The following COL10A1 variants were observed in gnomAD, a reference collection of about 807,000 sequenced individuals.
COL10A1 encodes collagen type X alpha 1 chain.
Under a neutral mutation model 18.2 loss-of-function variants are expected in COL10A1, and 10 were observed. The observed-to-expected ratio is 0.55, with a 90% confidence interval of 0.34 to 0.93. The LOEUF (loss-of-function observed/expected upper bound fraction) is 0.93, where lower values mean the gene tolerates loss of function less well. COL10A1 is among the 40% of genes least tolerant of loss of function. COL10A1 has a pLI of 0.02. For synonymous variants in COL10A1, 330 were observed against 316.6 expected (o/e 1.04, Z -0.45); for missense variants, 897 against 853.5 (o/e 1.05, Z -0.64).
At chr6:116,141,238 T>C (rs1779756393) in intron 1 of COL10A1, among the ~76,000 whole-genome samples, 2 of 152,012 alleles carry the variant, frequency 1.3e-5, no homozygotes, top group Admixed American at 1.3e-4. Context: ...AATACCTGAT[T>C]GTACCTTTGC....
chr6:116,161,369 A>G (rs1780326771), upstream of COL10A1, among the ~76,000 whole-genome samples: 1 of 152,084 alleles, frequency 6.6e-6, no homozygotes, highest in Admixed American at 6.5e-5. Flanking sequence ...ATAAAGATGC[A>G]TTGATATAAC....
chr6:116,166,750 T>G, the COL10A1 span, among the ~76,000 whole-genome samples: 1 of 152,248 alleles, frequency 6.6e-6, no homozygotes, highest in Admixed American at 6.5e-5. Context: ...ACTTTTCATC[T>G]TTTATCTAGT....
chr6:116,129,424 T>C (rs1265927258), upstream of COL10A1, among the ~76,000 whole-genome samples: 1 of 152,224 alleles, frequency 6.6e-6, no homozygotes, highest in Non-Finnish European at 1.5e-5. Flanking sequence ...GTGGGATCTT[T>C]AAGAGGTGAT....
Position 116,121,223 on chromosome 6 carries a change from AAGCCAGGAGGCCCTGGGGGCCC to A in COL10A1, c.871_892del (p.Gly291LeufsTer9). On this transcript the variant is annotated frameshift_variant, in exon 3 of 3. Transcript: ENST00000651968. LOFTEE classifies it high-confidence loss of function. Reference sequence around the variant, plus strand: ...CAGGCCTGGCAAGCCTGGTTTCCCAAAGCCAGGAGGCCCTGGGGGCCCAGCTATTCCTGGAGCCCCAGGGAGA... The same window carrying A: ...CAGGCCTGGCAAGCCTGGTTTCCCAAAGCTATTCCTGGAGCCCCAGGGAGA... 35 of 1,613,320 alleles carry A rather than the reference AAGCCAGGAGGCCCTGGGGGCCC, an allele frequency of 2.2e-5. No individual in the cohort carries two copies. The highest frequency in any genetic ancestry group is 3.0e-5 in the Non-Finnish European group (35 of 1,179,736).
the COL10A1 span, among the ~76,000 whole-genome samples, chr6:116,196,850 C>T: frequency 2.0e-5 from 3 of 151,730 alleles, no homozygotes; most frequent in Admixed American, 6.6e-5. Context: ...AGCCAGGCAC[C>T]GTTCTTCATT....
the COL10A1 span, among the ~76,000 whole-genome samples, chr6:116,182,278 C>T: frequency 2.2e-5 from 3 of 138,846 alleles, no homozygotes; most frequent in Non-Finnish European, 4.6e-5. Context: ...TTTCTTTATC[C>T]ACTCTTTGAT....
intron 1 of COL10A1, chr6:116,137,582 A>G (rs1331528894): frequency 4.7e-6 from 1 of 214,382 alleles, no homozygotes; most frequent in Non-Finnish European, 9.9e-6. Context: ...GCGTTTTCCC[A>G]CTGGGTTGGA....
At chr6:116,153,102 A>G (rs1780090439) in intron 1 of COL10A1, among the ~76,000 whole-genome samples, 1 of 151,972 alleles carries the variant, frequency 6.6e-6, no homozygotes, top group South Asian at 2.1e-4. Context: ...CTGATATATT[A>G]ATATAAAAAT....
chr6:116,170,076 C>A, the COL10A1 span, among the ~76,000 whole-genome samples: 136 of 152,242 alleles, frequency 8.9e-4, no homozygotes, highest in Middle Eastern at 0.014. Flanking sequence ...CATAGCTAAT[C>A]CCTCTTTTCT....
the COL10A1 span, among the ~76,000 whole-genome samples, chr6:116,214,436 A>C: frequency 6.6e-6 from 1 of 152,172 alleles, no homozygotes; most frequent in Non-Finnish European, 1.5e-5. Context: ...CTTCTAGCCG[A>C]AATAGTGAGG....
intron 1 of COL10A1, among the ~76,000 whole-genome samples, chr6:116,139,755 G>GT (rs930571833): frequency 6.6e-6 from 1 of 152,066 alleles, no homozygotes; most frequent in African/African-American, 2.4e-5. Context: ...GAATTTGACA[G>GT]TTTTTTGCTT....
At chr6:116,199,435 C>T in the COL10A1 span, among the ~76,000 whole-genome samples, 1 of 152,068 alleles carries the variant, frequency 6.6e-6, no homozygotes, top group Non-Finnish European at 1.5e-5. Context: ...CCTTTAACTA[C>T]TCTAAGCCTT....
chr6:116,197,072 A>AG, the COL10A1 span, among the ~76,000 whole-genome samples: 15 of 151,850 alleles, frequency 9.9e-5, no homozygotes, highest in Non-Finnish European at 1.9e-4. Context: ...TCAGAGCCAG[A>AG]GGGTCACGGG....
chr6:116,134,847 G>T (rs1779550630), intron 1 of COL10A1, among the ~76,000 whole-genome samples: 1 of 152,144 alleles, frequency 6.6e-6, no homozygotes, highest in Non-Finnish European at 1.5e-5. Flanking sequence ...AAGTAGGCAT[G>T]GTAGGAGGAT....
chr6:116,143,001 G>A (rs951835767), intron 1 of COL10A1, among the ~76,000 whole-genome samples: 1 of 152,098 alleles, frequency 6.6e-6, no homozygotes. Context: ...AGACATTATG[G>A]TTTGTGTCTT....
intron 1 of COL10A1, among the ~76,000 whole-genome samples, chr6:116,154,727 C>T (rs920280500): frequency 1.3e-5 from 2 of 152,124 alleles, no homozygotes; most frequent in African/African-American, 4.8e-5. Flanking sequence ...AATAATTTCT[C>T]ATTCATTCTA....
the COL10A1 span, among the ~76,000 whole-genome samples, chr6:116,202,009 A>G: frequency 6.6e-6 from 1 of 152,004 alleles, no homozygotes; most frequent in Admixed American, 6.6e-5. Flanking sequence ...TGGAGTGAAG[A>G]AATAGTCTAT....
At chr6:116,213,765 T>G in the COL10A1 span, among the ~76,000 whole-genome samples, 1 of 152,084 alleles carries the variant, frequency 6.6e-6, no homozygotes, top group Non-Finnish European at 1.5e-5. Flanking sequence ...AGGCACAGGA[T>G]CCTGCCTATT....
chr6:116,131,287 C>G (rs1457808517), intron 1 of COL10A1, among the ~76,000 whole-genome samples: 1 of 152,168 alleles, frequency 6.6e-6, no homozygotes, highest in African/African-American at 2.4e-5. Context: ...AAGGAATATT[C>G]AGAGAAGGGT....
Sources: gnomAD v4.1 joint callset for allele counts (sites outside exome capture counted in the v4.1 genomes callset) on GRCh38, gnomAD v4.1.1 for gene constraint, MANE v1.5 for transcripts, NCBI Gene and HGNC (gene_info 2026-07-23, HGNC 2026-07-21) for gene names.